UHRF2: variants seen among roughly 807,000 people sequenced by gnomAD.
UHRF2 encodes the protein E3 ubiquitin-protein ligase UHRF2.
In UHRF2, 23 loss-of-function variants were observed where a neutral mutation model predicts 96.8. The ratio of observed to expected loss-of-function variants is 0.24; its 90% CI spans 0.17 to 0.34. The LOEUF is 0.34. UHRF2 is among the 10% of genes least tolerant of loss of function. The probability of loss-of-function intolerance (pLI) is 1.00; values close to 1 mark genes in which losing one functional copy is unlikely to be tolerated. For missense variants in UHRF2, 685 were observed against 981.5 expected (o/e 0.70, Z 4.04); for synonymous variants, 385 against 332.6 (o/e 1.16, Z -1.72).
At position 6,462,968 on chromosome 9, in the gene UHRF2, A is replaced by C. The variant is rs547461823; in HGVS notation, c.863+2177A>C. ...GAGGTATAGTTAAGAGTGGGAACAC[A>C]CTGGCTTTAGAAGTGGAACTGAGAC... On this transcript the variant is annotated intron_variant, in intron 4 of 15. Coordinates refer to ENST00000276893, the MANE Select transcript of UHRF2 (RefSeq NM_152896.3). 2.0e-5 allele frequency among the ~76,000 whole-genome samples: 3 copies of C among 151,162 alleles called. No homozygotes were observed. The South Asian group carries it at 6.3e-4, about 32-fold the overall frequency.
At chr9:6,425,287 G>A (rs1342597798) in intron 2 of UHRF2, among the ~76,000 whole-genome samples, 6 of 152,134 alleles carry the variant, frequency 3.9e-5, no homozygotes, top group Admixed American at 6.5e-5. Context: ...TTAGAAACTC[G>A]TTTATTTGAT....
At chr9:6,505,161 C>G (rs566775170) in intron 15 of UHRF2, among the ~76,000 whole-genome samples, 1 of 152,132 alleles carries the variant, frequency 6.6e-6, no homozygotes, top group South Asian at 2.1e-4. Flanking sequence ...TGATTATGTG[C>G]CCTAACTTCA....
chr9:6,436,803 G>A (rs1301381620), intron 3 of UHRF2, among the ~76,000 whole-genome samples: 1 of 152,118 alleles, frequency 6.6e-6, no homozygotes, highest in Non-Finnish European at 1.5e-5. Flanking sequence ...TTAAGTAAAG[G>A]GGAATCTAAA....
chr9:6,463,330 G>T (rs1822664886), intron 4 of UHRF2, among the ~76,000 whole-genome samples: 1 of 151,968 alleles, frequency 6.6e-6, no homozygotes, highest in Admixed American at 6.6e-5. Flanking sequence ...GCAAATACCG[G>T]CTTGATAAAG....
intron 3 of UHRF2, among the ~76,000 whole-genome samples, chr9:6,436,465 A>G (rs1820854129): frequency 6.6e-6 from 1 of 152,214 alleles, no homozygotes; most frequent in Non-Finnish European, 1.5e-5. Flanking sequence ...CAGGTAAATA[A>G]GTAGAATGTT....
chr9:6,461,756 A>G (rs183713557), intron 4 of UHRF2, among the ~76,000 whole-genome samples: 57 of 152,286 alleles, frequency 3.7e-4, no homozygotes, highest in Admixed American at 7.8e-4. Flanking sequence ...ACTTTTTTAC[A>G]CTTTGGAAAA....
chr9:6,454,117 G>C (rs1221348715), intron 3 of UHRF2, among the ~76,000 whole-genome samples: 1 of 152,128 alleles, frequency 6.6e-6, no homozygotes, highest in Non-Finnish European at 1.5e-5. Flanking sequence ...GTTACCATTA[G>C]GTACGTTTTA....
At chr9:6,438,752 T>G (rs532345282) in intron 3 of UHRF2, among the ~76,000 whole-genome samples, 2 of 152,208 alleles carry the variant, frequency 1.3e-5, no homozygotes, top group Non-Finnish European at 2.9e-5. Context: ...TCTAATAGAT[T>G]ACTAGACCAG....
intron 1 of UHRF2, chr9:6,415,317 T>A (rs946589693): frequency 5.9e-5 from 9 of 152,226 alleles, no homozygotes; most frequent in African/African-American, 2.2e-4. Flanking sequence ...TAGTGGGTAA[T>A]TCACTACTTG....
chr9:6,505,763 T>C (rs1364947222), intron 15 of UHRF2, among the ~76,000 whole-genome samples: 6 of 152,248 alleles, frequency 3.9e-5, no homozygotes, highest in Non-Finnish European at 8.8e-5. Flanking sequence ...GGCAACCATA[T>C]GTAATCTCTA....
chr9:6,438,213 A>G (rs913045692), intron 3 of UHRF2, among the ~76,000 whole-genome samples: 2 of 152,234 alleles, frequency 1.3e-5, no homozygotes, highest in Admixed American at 6.5e-5. Flanking sequence ...ACTTCCTACC[A>G]GTCAAATATC....
At position 6,488,540 on chromosome 9, in the gene UHRF2, C is replaced by CTTTTTTTTTTTTTT. The variant is rs58280407; in HGVS notation, c.1497+1626_1497+1639dup. On this transcript the variant is annotated intron_variant, in intron 9 of 15. Transcript: ENST00000276893. ...CACTAATCTTTTCTCTTTTTCTTTT[C>CTTTTTTTTTTTTTT]TTTTTTTTTTTTTTTTTTTTTTTTG... is the stretch of plus-strand genomic sequence containing the variant. 1.6e-3 allele frequency among the ~76,000 whole-genome samples: 131 copies of CTTTTTTTTTTTTTT among 83,824 alleles called. 3 individuals carry two copies. The highest frequency in any genetic ancestry group is 3.3e-3 in the African/African-American group (69 of 20,970). 55.0% of individuals were successfully genotyped at this position (83,824 alleles called of 152,430 possible). A position where few individuals can be genotyped will look rare whatever the true frequency, so the allele number is the denominator to read the frequency against.
intron 4 of UHRF2, 100 bp downstream of exon 4, chr9:6,460,891 C>A: frequency 1.1e-6 from 1 of 926,940 alleles, no homozygotes; most frequent in Non-Finnish European, 1.5e-6. Context: ...AAGATGGAGT[C>A]TATAAAAGAT....
intron 6 of UHRF2, 135 bp downstream of exon 6, chr9:6,477,943 C>G (rs1823684254): frequency 1.4e-6 from 1 of 697,752 alleles, no homozygotes. Context: ...GGTTACTTAG[C>G]ATTCATAGCT....
chr9:6,468,511 G>A (rs949888133), intron 4 of UHRF2: 5 of 455,982 alleles, frequency 1.1e-5, no homozygotes, highest in African/African-American at 4.0e-5. Context: ...TAGCTTTGTA[G>A]TTGTGTTTTG....
At chr9:6,446,042 G>T (rs1821481017) in intron 3 of UHRF2, among the ~76,000 whole-genome samples, 1 of 138,154 alleles carries the variant, frequency 7.2e-6, no homozygotes, top group Admixed American at 8.0e-5. Flanking sequence ...ACCCAGGCAG[G>T]AATGCAGTGG....
At chr9:6,461,298 ATTTC>A (rs1431616926) in intron 4 of UHRF2, among the ~76,000 whole-genome samples, 1 of 150,676 alleles carries the variant, frequency 6.6e-6, no homozygotes, top group Non-Finnish European at 1.5e-5. Context: ...TATTTCTATC[ATTTC>A]TTTCTTTTCT....
chr9:6,485,829 CAAAA>C (rs1298460196), intron 8 of UHRF2, among the ~76,000 whole-genome samples: 8 of 87,212 alleles, frequency 9.2e-5, no homozygotes, highest in Admixed American at 2.4e-4. Flanking sequence ...AAAAAAAAAA[CAAAA>C]CCCAAAACCA....
chr9:6,450,914 T>A (rs112638343), intron 3 of UHRF2, among the ~76,000 whole-genome samples: 1 of 146,942 alleles, frequency 6.8e-6, no homozygotes, highest in African/African-American at 2.7e-5. Context: ...CTTACTGATA[T>A]GTGTTTGGTC....
Sources: allele counts gnomAD v4.1 joint callset (sites outside exome capture counted in the v4.1 genomes callset), GRCh38; gene constraint gnomAD v4.1.1; transcripts MANE v1.5; gene names NCBI Gene and HGNC (gene_info 2026-07-23, HGNC 2026-07-21).